Variants in CNTNAP2 observed in about 807,000 individuals in gnomAD.
CNTNAP2 encodes the protein contactin-associated protein-like 2.
A neutral mutation model predicts 155.2 loss-of-function variants in CNTNAP2; 98 were observed. The ratio of observed to expected loss-of-function variants is 0.63; its 90% CI spans 0.54 to 0.75. CNTNAP2 has a LOEUF of 0.75. Ranked by LOEUF, CNTNAP2 falls within the 30% of genes least tolerant of loss-of-function variation. The pLI is 0.00. For synonymous variants in CNTNAP2, 651 were observed against 631.2 expected (o/e 1.03, Z -0.47); for missense variants, 1,727 against 1,688.1 (o/e 1.02, Z -0.40).
chr7:147,521,363 G>A (rs1029606343), intron 11 of CNTNAP2, among the ~76,000 whole-genome samples: 2 of 152,100 alleles, frequency 1.3e-5, no homozygotes, highest in Non-Finnish European at 2.9e-5. Flanking sequence ...GAAATAAGAT[G>A]CCTAGTAGAA....
intron 15 of CNTNAP2, among the ~76,000 whole-genome samples, chr7:148,050,039 A>G (rs1390467049): frequency 6.6e-6 from 1 of 152,116 alleles, no homozygotes; most frequent in African/African-American, 2.4e-5. Flanking sequence ...GGTTCACCCT[A>G]TGATCCCAGC....
At chr7:147,754,849 C>T (rs930189397) in intron 13 of CNTNAP2, among the ~76,000 whole-genome samples, 10 of 151,994 alleles carry the variant, frequency 6.6e-5, no homozygotes, top group African/African-American at 2.4e-4. Context: ...GTTTATGAGG[C>T]TTAGTGACGG....
At chr7:147,981,904 G>C (rs1469266710) in intron 15 of CNTNAP2, among the ~76,000 whole-genome samples, 3 of 151,694 alleles carry the variant, frequency 2.0e-5, no homozygotes, top group African/African-American at 7.3e-5. Flanking sequence ...TATGAGTGGT[G>C]ACGGATGGTT....
rs185492944 is a variant in CNTNAP2 at position 148,267,527 on chromosome 7, T to C, written c.3475+401T>C. Among the ~76,000 whole-genome samples, 1,517 of 151,756 alleles carry C rather than the reference T, an allele frequency of 1.0e-2. 25 individuals carry two copies. Among genetic ancestry groups the C allele is most frequent in the African/African-American group, 0.031 (1,301 of 41,358 alleles). On this transcript the variant is annotated intron_variant, in intron 21 of 23. Transcript: ENST00000361727. ...AAAATTAGCCATGCATGGTGGCAGG[T>C]GCCTGTAATCCCAGCTACTCGGGAG...
At chr7:146,857,298 T>C (rs1308442571) in intron 3 of CNTNAP2, among the ~76,000 whole-genome samples, 1 of 152,060 alleles carries the variant, frequency 6.6e-6, no homozygotes, top group African/African-American at 2.4e-5. Flanking sequence ...AAAGGACAAG[T>C]GTTCCTTATA....
intron 21 of CNTNAP2, among the ~76,000 whole-genome samples, chr7:148,321,138 G>A (rs946381751): frequency 3.9e-5 from 6 of 152,162 alleles, no homozygotes; most frequent in Admixed American, 6.5e-5. Flanking sequence ...GGGTTAGACC[G>A]TGAAGCCACG....
At chr7:146,385,316 A>G (rs1042860943) in intron 1 of CNTNAP2, among the ~76,000 whole-genome samples, 2 of 152,142 alleles carry the variant, frequency 1.3e-5, no homozygotes, top group African/African-American at 4.8e-5. Context: ...TCCCACCTGT[A>G]CAGAGCCATG....
chr7:147,158,835 A>AGATAAGG (rs1801973765), intron 8 of CNTNAP2, among the ~76,000 whole-genome samples: 1 of 152,146 alleles, frequency 6.6e-6, no homozygotes, highest in African/African-American at 2.4e-5. Context: ...AGAGGAATAA[A>AGATAAGG]ACAGGCTCCC....
intron 1 of CNTNAP2, among the ~76,000 whole-genome samples, chr7:146,580,365 A>G (rs563495099): frequency 4.6e-5 from 7 of 152,166 alleles, no homozygotes; most frequent in African/African-American, 1.7e-4. Context: ...ACACCTTTAT[A>G]TAACTATTAT....
chr7:146,897,765 A>G (rs1795907435), intron 3 of CNTNAP2, among the ~76,000 whole-genome samples: 1 of 152,112 alleles, frequency 6.6e-6, no homozygotes, highest in East Asian at 1.9e-4. Context: ...TCAATTGACC[A>G]TAGTTAAATT....
At chr7:148,136,889 T>A (rs1016651669) in intron 16 of CNTNAP2, among the ~76,000 whole-genome samples, 13 of 152,314 alleles carry the variant, frequency 8.5e-5, no homozygotes, top group African/African-American at 3.1e-4. Context: ...GAGGCAAAAA[T>A]GTTTTATGCA....
At chr7:146,946,634 T>C (rs1797181482) in intron 3 of CNTNAP2, among the ~76,000 whole-genome samples, 1 of 152,138 alleles carries the variant, frequency 6.6e-6, no homozygotes, top group Admixed American at 6.5e-5. Flanking sequence ...TTTCAGTCTG[T>C]GAATTTAAAA....
chr7:146,476,887 C>T (rs866883651), intron 1 of CNTNAP2, among the ~76,000 whole-genome samples: 10 of 152,114 alleles, frequency 6.6e-5, no homozygotes, highest in African/African-American at 1.4e-4. Flanking sequence ...ACTATGGCTA[C>T]GCATACACTG....
At chr7:148,389,262 G>T (rs1799291379) in intron 22 of CNTNAP2, among the ~76,000 whole-genome samples, 1 of 152,204 alleles carries the variant, frequency 6.6e-6, no homozygotes, top group Non-Finnish European at 1.5e-5. Flanking sequence ...CCTGGTGGGA[G>T]GTAATTGAAT....
intron 15 of CNTNAP2, among the ~76,000 whole-genome samples, chr7:148,063,210 C>T (rs941436952): frequency 3.3e-5 from 5 of 152,036 alleles, no homozygotes; most frequent in African/African-American, 1.2e-4. Flanking sequence ...TGTGAGAAAT[C>T]TGTCATTGAT....
At chr7:146,962,478 T>C (rs75037292) in intron 3 of CNTNAP2, among the ~76,000 whole-genome samples, 5,990 of 152,280 alleles carry the variant, frequency 0.039, 140 homozygotes, top group South Asian at 0.082. Flanking sequence ...TTAACCCACT[T>C]TGGGTAAAAT....
chr7:146,510,694 C>A (rs562662190), intron 1 of CNTNAP2, among the ~76,000 whole-genome samples: 23 of 151,768 alleles, frequency 1.5e-4, no homozygotes, highest in African/African-American at 3.9e-4. Flanking sequence ...AGAGATCCTT[C>A]ACTTTTTTGT....
chr7:147,006,784 G>T (rs1004828021), intron 3 of CNTNAP2, among the ~76,000 whole-genome samples: 1 of 151,952 alleles, frequency 6.6e-6, no homozygotes, highest in Non-Finnish European at 1.5e-5. Context: ...ATGTTTCCTT[G>T]TAATGCTTTT....
chr7:146,909,265 T>C (rs1178036631), intron 3 of CNTNAP2, among the ~76,000 whole-genome samples: 3 of 140,026 alleles, frequency 2.1e-5, no homozygotes, highest in African/African-American at 8.0e-5. Flanking sequence ...ACTATTCCAA[T>C]CAATAGAAAA....
Sources: allele counts gnomAD v4.1 joint callset (sites outside exome capture counted in the v4.1 genomes callset), GRCh38; gene constraint gnomAD v4.1.1; transcripts MANE v1.5; gene names NCBI Gene and HGNC (gene_info 2026-07-23, HGNC 2026-07-21).